The following SORCS1 variants were observed in gnomAD, a reference collection of about 807,000 sequenced individuals.
SORCS1 encodes sortilin related VPS10 domain containing receptor 1, also known as VPS10 domain-containing receptor SorCS1.
A neutral mutation model predicts 146.1 loss-of-function variants in SORCS1; 60 were observed. The observed-to-expected ratio is 0.41, with a 90% CI of 0.33 to 0.51. The LOEUF is 0.51. Ranked by LOEUF, SORCS1 falls within the 20% of genes least tolerant of loss-of-function variation. The pLI is 0.21. For synonymous variants in SORCS1, 637 were observed against 584.0 expected (o/e 1.09, Z -1.31); for missense variants, 1,352 against 1,487.6 (o/e 0.91, Z 1.50).
At chr10:106,891,898 C>T (rs1163056427) in intron 2 of SORCS1, among the ~76,000 whole-genome samples, 5 of 152,112 alleles carry the variant, frequency 3.3e-5, no homozygotes, top group Non-Finnish European at 7.4e-5. Context: ...TCTTTCATTT[C>T]GTGTGAGGGT....
chr10:107,155,400 T>C (rs886561357), intron 1 of SORCS1, among the ~76,000 whole-genome samples: 1 of 152,154 alleles, frequency 6.6e-6, no homozygotes, highest in Non-Finnish European at 1.5e-5. Context: ...CCTGGTCCCT[T>C]CTCCCCATCA....
intron 2 of SORCS1, among the ~76,000 whole-genome samples, chr10:106,852,627 C>CAAAAAAAAA (rs370300215): frequency 4.7e-5 from 4 of 84,912 alleles, no homozygotes; most frequent in Admixed American, 2.9e-4. Context: ...GACCCTGTCT[C>CAAAAAAAAA]AAAAAAAAAA....
intron 2 of SORCS1, among the ~76,000 whole-genome samples, chr10:106,853,899 T>A (rs182602214): frequency 1.3e-5 from 2 of 152,048 alleles, no homozygotes; most frequent in Non-Finnish European, 1.5e-5. Context: ...AAATTTTCCA[T>A]GTGATCTTGA....
intron 2 of SORCS1, among the ~76,000 whole-genome samples, chr10:106,874,344 A>G (rs555833206): frequency 6.6e-6 from 1 of 152,332 alleles, no homozygotes; most frequent in African/African-American, 2.4e-5. Context: ...AATTATATGC[A>G]GAAAACAAAT....
chr10:106,930,203 A>G (rs1321401111), intron 2 of SORCS1, among the ~76,000 whole-genome samples: 1 of 151,860 alleles, frequency 6.6e-6, no homozygotes, highest in African/African-American at 2.4e-5. Flanking sequence ...AATGGCGTGA[A>G]CCCGGGAAGC....
rs1349200185 is a variant in SORCS1 at position 106,979,897 on chromosome 10, CA to C, written c.559-23318del. On this transcript the variant is annotated intron_variant, in intron 1 of 25. Transcript: ENST00000263054. The stretch of plus-strand genomic sequence containing the variant: ...TATAGAACATTGTCAGCTCCTACCT[CA>C]TTGGATTACGATGATAATCAAGTGA... Among the ~76,000 whole-genome samples, 29 of 152,226 alleles carry C rather than the reference CA, an allele frequency of 1.9e-4. 1 individual carries two copies.
intron 2 of SORCS1, among the ~76,000 whole-genome samples, chr10:106,830,779 C>T (rs891851807): frequency 2.9e-4 from 44 of 151,838 alleles, no homozygotes; most frequent in African/African-American, 4.1e-4. Context: ...GCCTGTAGTC[C>T]GAGCTACTTG....
At chr10:106,715,972 C>T (rs1403063674) in intron 6 of SORCS1, among the ~76,000 whole-genome samples, 2 of 152,032 alleles carry the variant, frequency 1.3e-5, no homozygotes, top group Non-Finnish European at 2.9e-5. Context: ...AGGCTGGTCT[C>T]GAACTCCTGA....
At position 107,060,963 on chromosome 10, in the gene SORCS1, T is replaced by A. The variant is rs140874305; in HGVS notation, c.558+103006A>T. ...TTTCCCTTTCTCTTTCCAAGTTAAA[T>A]AAAAAAATTTATCTTCTGTTTCTAC... On this transcript the variant is annotated intron_variant, in intron 1 of 25. Coordinates refer to ENST00000263054, the MANE Select transcript of SORCS1 (RefSeq NM_052918.5). The surrounding 1 kb of genome is among the most constrained non-coding windows in gnomAD (Gnocchi z 4.1). Among the ~76,000 whole-genome samples the A allele has an allele frequency of 3.9e-5, 6 of 152,222 alleles. No individual in the cohort carries two copies. Among genetic ancestry groups the A allele is most frequent in the African/African-American group, 9.6e-5 (4 of 41,544 alleles).
In SORCS1 at chr10:107,039,020, T is replaced by TA. The variant is rs201445035; in HGVS notation, c.559-82441dup. 6.9e-3 allele frequency among the ~76,000 whole-genome samples: 1,045 copies of TA among 152,018 alleles called. 21 individuals carry two copies. Among genetic ancestry groups the TA allele is most frequent in the African/African-American group, 0.024 (984 of 41,488 alleles). ...GAAAGTAATCTAAACAGTGTAAAAT[T>TA]AAAAAAAGGATGACTTTCTTTGTAA... On this transcript the variant is annotated intron_variant, in intron 1 of 25. Coordinates refer to ENST00000263054, the MANE Select transcript of SORCS1 (RefSeq NM_052918.5).
At chr10:106,591,633 A>G (rs1438420345) in intron 24 of SORCS1, among the ~76,000 whole-genome samples, 2 of 152,216 alleles carry the variant, frequency 1.3e-5, no homozygotes, top group Non-Finnish European at 2.9e-5. Flanking sequence ...AAGATGATAT[A>G]AAGATATATG....
At chr10:106,803,621 C>A (rs1947020687) in intron 3 of SORCS1, among the ~76,000 whole-genome samples, 1 of 152,114 alleles carries the variant, frequency 6.6e-6, no homozygotes, top group African/African-American at 2.4e-5. Context: ...GTCTTGTTAT[C>A]TCAATGATAC....
At chr10:106,785,452 A>G (rs1946013109) in intron 3 of SORCS1, among the ~76,000 whole-genome samples, 1 of 152,170 alleles carries the variant, frequency 6.6e-6, no homozygotes, top group South Asian at 2.1e-4. Context: ...GCCCCTGTAC[A>G]TGTAATACAT....
At chr10:106,716,086 T>G (rs1244921350) in intron 6 of SORCS1, among the ~76,000 whole-genome samples, 1 of 152,176 alleles carries the variant, frequency 6.6e-6, no homozygotes, top group East Asian at 1.9e-4. Flanking sequence ...TTGTTTGGGT[T>G]AAAGATTTTT....
intron 18 of SORCS1, among the ~76,000 whole-genome samples, chr10:106,640,564 C>G (rs990837461): frequency 1.3e-5 from 2 of 152,218 alleles, no homozygotes; most frequent in Non-Finnish European, 2.9e-5. Flanking sequence ...TATGCAGATA[C>G]TACTTCTGCC....
chr10:106,980,443 G>C (rs59893092), intron 1 of SORCS1, among the ~76,000 whole-genome samples: 34,038 of 152,126 alleles, frequency 0.22, 4,624 homozygotes, highest in Middle Eastern at 0.34. Flanking sequence ...AAATACCCTG[G>C]AGCAACTCTG....
In SORCS1 at chr10:106,596,866, T is replaced by C. The variant is rs145908449; in HGVS notation, c.3265+485A>G. ...GACAGTTTTTGCCAGAGACTAAGTA[T>C]AAAATATTACCTTCTCACTGGGTCA... On this transcript the variant is annotated intron_variant, in intron 24 of 25. Transcript: ENST00000263054. Among the ~76,000 whole-genome samples, 393 of 152,248 alleles carry C rather than the reference T, an allele frequency of 2.6e-3. 3 individuals carry two copies. The highest frequency in any genetic ancestry group is 9.0e-3 in the African/African-American group (374 of 41,536).
intron 20 of SORCS1, 77 bp from the exon 21 acceptor site, chr10:106,618,349 A>T: frequency 6.4e-7 from 1 of 1,563,938 alleles, no homozygotes; most frequent in Non-Finnish European, 8.7e-7. Context: ...GTGAGCCAAC[A>T]ATAGGCTGTC....
Position 106,943,055 on chromosome 10 carries a change from G to T in SORCS1, c.626+13458C>A, listed in dbSNP as rs145062838. Among the ~76,000 whole-genome samples, 22 of 152,238 alleles carry T rather than the reference G, an allele frequency of 1.4e-4. No individual in the cohort carries two copies. In the East Asian group the frequency reaches 3.1e-3, roughly 21 times the overall value. ...GACTGCTCATCCACTAGTCAGAGGT[G>T]CTCAGTGGGCATCACTAGGACAGAC... On this transcript the variant is annotated intron_variant, in intron 2 of 25. Coordinates refer to ENST00000263054, the MANE Select transcript of SORCS1 (RefSeq NM_052918.5).
Sources: allele counts gnomAD v4.1 joint callset (sites outside exome capture counted in the v4.1 genomes callset), GRCh38; gene constraint gnomAD v4.1.1; non-coding constraint Gnocchi (gnomAD v3.1); transcripts MANE v1.5; gene names NCBI Gene and HGNC (gene_info 2026-07-23, HGNC 2026-07-21).